POPDC2: variants seen among roughly 807,000 people sequenced by gnomAD.
The protein encoded by POPDC2 is popeye domain cAMP effector 2.
A neutral mutation model predicts 30.5 loss-of-function variants in POPDC2; 24 were observed. The observed-to-expected ratio is 0.79, with a 90% CI of 0.57 to 1.11. The LOEUF is 1.11. Ranked by LOEUF, POPDC2 falls within the 50% of genes least tolerant of loss-of-function variation. POPDC2 has a pLI of 0.00. For missense variants in POPDC2, 409 were observed against 447.0 expected, an observed-to-expected ratio of 0.91 and a Z score of 0.77; for synonymous variants, 185 against 183.3, an observed-to-expected ratio of 1.01 and a Z score of -0.07.
intron 3 of POPDC2, chr3:119,643,458 A>T (rs202070515): frequency 3.3e-5 from 48 of 1,438,678 alleles, no homozygotes; most frequent in Non-Finnish European, 4.0e-5. Flanking sequence ...CTCTGATAAA[A>T]GAAAGAGAAA....
chr3:119,654,469 G>C, intron 2 of POPDC2, 36 bp downstream of exon 2: 1 of 1,387,154 alleles, frequency 7.2e-7, no homozygotes, highest in South Asian at 1.2e-5. Flanking sequence ...ACAGTGGGAT[G>C]GGGTGAGGCG....
intron 3 of POPDC2, among the ~76,000 whole-genome samples, chr3:119,646,189 A>G (rs893391788): frequency 6.6e-5 from 10 of 152,272 alleles, no homozygotes; most frequent in Admixed American, 2.0e-4. Context: ...TTTAGGAGGA[A>G]GAATAGATAC....
chr3:119,653,772 C>T (rs534193628), intron 2 of POPDC2, among the ~76,000 whole-genome samples: 64 of 152,264 alleles, frequency 4.2e-4, no homozygotes, highest in African/African-American at 1.4e-3. Context: ...CCACCGCGCC[C>T]GGCAAGCAAT....
intron 3 of POPDC2, among the ~76,000 whole-genome samples, chr3:119,644,368 C>T (rs2052722977): frequency 6.6e-6 from 1 of 152,164 alleles, no homozygotes; most frequent in Non-Finnish European, 1.5e-5. Context: ...TGAGCATCTC[C>T]TGTAATAAGA....
chr3:119,644,263 G>T, intron 3 of POPDC2, among the ~76,000 whole-genome samples: 1 of 152,180 alleles, frequency 6.6e-6, no homozygotes, highest in Non-Finnish European at 1.5e-5. Flanking sequence ...CCAAATGTCA[G>T]ACAGCTTTCA....
At position 119,648,306 on chromosome 3, in the gene POPDC2, T is replaced by A. The variant is rs150310901; in HGVS notation, c.963A>T (p.Ala321=). Residue 321 remains alanine (A), a synonymous_variant, in exon 3 of 4, where the codon GCA becomes GCT. Coordinates refer to ENST00000493094, the MANE Select transcript of POPDC2 (RefSeq NM_001369919.2). ...STPPATTNFP[A]PPTRARLSRP... is the part of the protein sequence containing the mutation. Reference sequence around the variant, plus strand: ...TGGACAACCTGGCCCGGGTAGGAGGTGCAGGAAAGTTGGTGGTAGCTGGAG... The same window carrying A: ...TGGACAACCTGGCCCGGGTAGGAGGAGCAGGAAAGTTGGTGGTAGCTGGAG... The A allele has an allele frequency of 3.0e-4, 479 of 1,613,864 alleles. No homozygotes were observed. The African/African-American group carries it at 3.4e-3, about 12-fold the overall frequency.
At chr3:119,647,963 C>T (rs970310919) in intron 3 of POPDC2, among the ~76,000 whole-genome samples, 156 bp downstream of exon 3, 6 of 152,210 alleles carry the variant, frequency 3.9e-5, no homozygotes, top group African/African-American at 7.2e-5. Context: ...CTTGCATGCA[C>T]CCGGAGTGAG....
chr3:119,648,234 C>T lies in POPDC2; in HGVS notation c.1035G>A (p.Leu345=), dbSNP rs1181674774. The change falls in exon 3 of 4, where the codon CTG becomes CTA. Residue 345 remains leucine, a synonymous_variant. Transcript: ENST00000493094. ...ILGEDSTSLV[L]EDFEEVSGSE... ...ATCCTGACACCTCCTCAAAATCCTC[C>T]AGCACCAGACTGGTGGAGTCCTCAC... 3 of 1,607,546 alleles carry T rather than the reference C, an allele frequency of 1.9e-6. No individual in the cohort carries two copies. The highest frequency in any genetic ancestry group is 1.7e-6 in the Non-Finnish European group (2 of 1,176,790).
chr3:119,657,744 A>C (rs2052895738), intron 1 of POPDC2, among the ~76,000 whole-genome samples: 1 of 152,222 alleles, frequency 6.6e-6, no homozygotes, highest in Non-Finnish European at 1.5e-5. Context: ...GGCTCGCTGA[A>C]GCCATTTAAA....
intron 2 of POPDC2, among the ~76,000 whole-genome samples, 183 bp from the exon 3 acceptor site, chr3:119,648,851 T>C (rs917878995): frequency 1.3e-5 from 2 of 152,188 alleles, no homozygotes; most frequent in African/African-American, 4.8e-5. Flanking sequence ...TGTGCACTGA[T>C]ATGGGGGGGT....
intron 1 of POPDC2, among the ~76,000 whole-genome samples, chr3:119,657,398 C>T (rs1318972207): frequency 1.3e-5 from 2 of 151,958 alleles, no homozygotes; most frequent in Admixed American, 1.3e-4. Context: ...ATTAAAAAAA[C>T]AATTGCACCT....
chr3:119,646,987 CCT>C lies in POPDC2; in HGVS notation c.*43+1130_*43+1131del, dbSNP rs2052752723. On this transcript the variant is annotated intron_variant, in intron 3 of 3. Transcript: ENST00000493094. ...GGTGTTAGATTGATCCTTGGAATTACCTCAGAATGAGCTGAACTATGGTTCTA... is the reference window on the plus strand; with the variant it reads ...GGTGTTAGATTGATCCTTGGAATTACCAGAATGAGCTGAACTATGGTTCTA... 2.3e-4 allele frequency among the ~76,000 whole-genome samples: 35 copies of C among 152,308 alleles called. 1 individual carries two copies. In the South Asian group the frequency reaches 7.3e-3, roughly 32 times the overall value.
In POPDC2 at chr3:119,648,157, T is replaced by A. The variant is rs1577167890; in HGVS notation, c.*5A>T. 6.7e-7 allele frequency: 1 copy of A among 1,501,974 alleles called. No homozygotes were observed. The highest frequency in any genetic ancestry group is 2.5e-5 in the East Asian group (1 of 40,340). 93.0% of individuals were successfully genotyped at this position (1,501,974 alleles called of 1,614,324 possible). A position where few individuals can be genotyped will look rare whatever the true frequency, so the allele number is the denominator to read the frequency against. ...CCGGTGGCTGTGCCCATGTTAGTTC[T>A]CCCTTCACCTCATGTACTCCCCATC... On this transcript the variant is annotated 3_prime_UTR_variant, in exon 3 of 4. Coordinates refer to ENST00000493094, the MANE Select transcript of POPDC2 (RefSeq NM_001369919.2).
At chr3:119,656,682 G>A (rs2046430) in intron 1 of POPDC2, among the ~76,000 whole-genome samples, 54,278 of 151,968 alleles carry the variant, frequency 0.36, 10,424 homozygotes, top group East Asian at 0.64. Flanking sequence ...CCCCCAACCC[G>A]ACCCCTGCCC....
intron 2 of POPDC2, among the ~76,000 whole-genome samples, chr3:119,651,787 C>T (rs1302824461): frequency 6.6e-6 from 1 of 152,086 alleles, no homozygotes; most frequent in Non-Finnish European, 1.5e-5. Flanking sequence ...AGGCACCTGC[C>T]ACCACCCTGG....
At chr3:119,646,466 AC>A (rs983760749) in intron 3 of POPDC2, among the ~76,000 whole-genome samples, 4 of 152,106 alleles carry the variant, frequency 2.6e-5, no homozygotes, top group African/African-American at 9.7e-5. Flanking sequence ...GTTTGTCTCT[AC>A]AAAAAAATTT....
At chr3:119,658,999 G>A (rs1296514645) in intron 1 of POPDC2, among the ~76,000 whole-genome samples, 1 of 151,104 alleles carries the variant, frequency 6.6e-6, no homozygotes, top group Non-Finnish European at 1.5e-5. Context: ...TCTCAAGAAA[G>A]CTGGTGGAGT....
At chr3:119,654,461 A>T in intron 2 of POPDC2, 44 bp downstream of exon 2, 1 of 1,294,926 alleles carries the variant, frequency 7.7e-7, no homozygotes, top group Non-Finnish European at 1.1e-6. Context: ...GCTGGGCTAC[A>T]GTGGGATGGG....
chr3:119,643,591 C>G (rs2052713707), intron 3 of POPDC2: 2 of 631,838 alleles, frequency 3.2e-6, no homozygotes, highest in South Asian at 1.8e-5. Context: ...TCACGCCTCA[C>G]AGCAACCCGG....
Sources: allele counts gnomAD v4.1 joint callset (sites outside exome capture counted in the v4.1 genomes callset), GRCh38; gene constraint gnomAD v4.1.1; transcripts MANE v1.5; gene names NCBI Gene and HGNC (gene_info 2026-07-23, HGNC 2026-07-21).